IL34: variants seen among roughly 807,000 people sequenced by gnomAD.
IL34 encodes interleukin-34.
Under a neutral mutation model 25.3 loss-of-function variants are expected in IL34, and 17 were observed. The ratio of observed to expected loss-of-function variants is 0.67; its 90% CI spans 0.46 to 1.01. The LOEUF (loss-of-function observed/expected upper bound fraction) is 1.01, where lower values mean the gene tolerates loss of function less well. Ranked by LOEUF, IL34 falls within the 50% of genes least tolerant of loss-of-function variation. IL34 has a pLI of 0.00. For synonymous variants in IL34, 174 were observed against 140.9 expected (o/e 1.23, Z -1.66); for missense variants, 368 against 312.9 (o/e 1.18, Z -1.33).
intron 1 of IL34, among the ~76,000 whole-genome samples, chr16:70,618,601 G>A (rs927763874): frequency 1.3e-5 from 2 of 152,180 alleles, no homozygotes; most frequent in Non-Finnish European, 2.9e-5. Flanking sequence ...AAAACAGTAA[G>A]GTCAAGTTGT....
intron 1 of IL34, among the ~76,000 whole-genome samples, chr16:70,640,595 G>A (rs12928493): frequency 0.14 from 21,360 of 148,704 alleles, 1,848 homozygotes; most frequent in African/African-American, 0.24. Flanking sequence ...CTGCACTCCA[G>A]CCAGGGCGAC....
chr16:70,651,173 C>T (rs915299178), intron 1 of IL34, among the ~76,000 whole-genome samples: 4 of 151,106 alleles, frequency 2.6e-5, no homozygotes, highest in African/African-American at 9.7e-5. Context: ...GAGACCCTGG[C>T]GTGGTGATGG....
At chr16:70,595,203 C>T (rs887925243) in intron 1 of IL34, among the ~76,000 whole-genome samples, 11 of 152,118 alleles carry the variant, frequency 7.2e-5, no homozygotes, top group African/African-American at 2.4e-4. Context: ...TCAGGTGATC[C>T]GCCCACCTCG....
chr16:70,650,633 G>A (rs575583909), intron 1 of IL34, among the ~76,000 whole-genome samples: 1 of 152,324 alleles, frequency 6.6e-6, no homozygotes, highest in African/African-American at 2.4e-5. Context: ...GAATTGTTGT[G>A]TGAAATCCTT....
At chr16:70,625,221 G>C (rs542169975) in intron 1 of IL34, among the ~76,000 whole-genome samples, 2 of 151,912 alleles carry the variant, frequency 1.3e-5, no homozygotes, top group African/African-American at 4.8e-5. Flanking sequence ...GGAGAAGGAG[G>C]AATGGATGGT....
At chr16:70,585,555 C>A (rs1178553889) in intron 1 of IL34, among the ~76,000 whole-genome samples, 1 of 151,734 alleles carries the variant, frequency 6.6e-6, no homozygotes, top group East Asian at 1.9e-4. Context: ...CCTGGTGGTG[C>A]GCACCTGTAG....
chr16:70,647,397 GCCT>G (rs1368296947), intron 1 of IL34, among the ~76,000 whole-genome samples: 3 of 151,766 alleles, frequency 2.0e-5, no homozygotes, highest in African/African-American at 7.3e-5. Context: ...GCAGCCAGAT[GCCT>G]GGAGAAGGCA....
intron 1 of IL34, among the ~76,000 whole-genome samples, chr16:70,596,195 G>T (rs950611806): frequency 6.6e-6 from 1 of 152,024 alleles, no homozygotes; most frequent in Non-Finnish European, 1.5e-5. Flanking sequence ...GGATCTCTCT[G>T]GGGTCTCTTT....
chr16:70,635,260 C>G (rs1367595015), intron 1 of IL34, among the ~76,000 whole-genome samples: 1 of 152,210 alleles, frequency 6.6e-6, no homozygotes, highest in Non-Finnish European at 1.5e-5. Context: ...CAGTGATTTT[C>G]TTGGCGACAG....
At chr16:70,606,241 A>T (rs1433509772) in intron 1 of IL34, among the ~76,000 whole-genome samples, 1 of 151,896 alleles carries the variant, frequency 6.6e-6, no homozygotes, top group Non-Finnish European at 1.5e-5. Flanking sequence ...TACTAAAAAT[A>T]CAAAAAATTA....
chr16:70,594,584 T>G (rs2050795264), intron 1 of IL34, among the ~76,000 whole-genome samples: 1 of 152,192 alleles, frequency 6.6e-6, no homozygotes, highest in Non-Finnish European at 1.5e-5. Flanking sequence ...AGCTCTAATC[T>G]AATTCAAGCT....
chr16:70,615,909 C>T lies in IL34; in HGVS notation c.-400-30639C>T, dbSNP rs1397951079. On this transcript the variant is annotated intron_variant, in intron 1 of 6. Transcript: ENST00000429149. The stretch of plus-strand genomic sequence containing the variant: ...TGGAGGTTGTGGCAAGCTGAGATGG[C>T]ACCACTGCACTCCAGCGTGGGTGAC... Among the ~76,000 whole-genome samples, 11 of 152,154 alleles carry T rather than the reference C, an allele frequency of 7.2e-5. 1 individual carries two copies. The highest frequency in any genetic ancestry group is 5.9e-4 in the Admixed American group (9 of 15,266).
intron 1 of IL34, among the ~76,000 whole-genome samples, chr16:70,608,221 C>T (rs1178860738): frequency 6.7e-6 from 1 of 150,220 alleles, no homozygotes; most frequent in Non-Finnish European, 1.5e-5. Flanking sequence ...CTCTGACTCC[C>T]GGGTTTAAGC....
intron 1 of IL34, among the ~76,000 whole-genome samples, chr16:70,590,827 A>G (rs985021031): frequency 1.3e-5 from 2 of 152,118 alleles, no homozygotes; most frequent in African/African-American, 2.4e-5. Flanking sequence ...TCCCCCCGCA[A>G]GCTGGCCTCT....
At chr16:70,657,783 A>G (rs1006092201) in intron 4 of IL34, among the ~76,000 whole-genome samples, 2 of 152,166 alleles carry the variant, frequency 1.3e-5, no homozygotes, top group Admixed American at 1.3e-4. Flanking sequence ...ATCTCAAAAC[A>G]AAAAACAAAA....
intron 1 of IL34, among the ~76,000 whole-genome samples, chr16:70,652,180 G>C (rs931729232): frequency 2.6e-5 from 4 of 152,062 alleles, no homozygotes; most frequent in Admixed American, 2.6e-4. Context: ...CCAAGGCCAG[G>C]TGTGGTGGCT....
chr16:70,634,453 G>T (rs1205220390), intron 1 of IL34, among the ~76,000 whole-genome samples: 1 of 152,048 alleles, frequency 6.6e-6, no homozygotes, highest in East Asian at 1.9e-4. Flanking sequence ...GCCAAGGCAG[G>T]CTGATCACCT....
chr16:70,659,618 G>T lies in IL34; in HGVS notation c.403G>T (p.Asp135Tyr). 6.2e-7 allele frequency: 1 copy of T among 1,605,218 alleles called. No individual in the cohort carries two copies. Among genetic ancestry groups the T allele is most frequent in the Non-Finnish European group, 8.5e-7 (1 of 1,173,642 alleles). The change falls in exon 5 of 6, where the codon GAT (aspartate) becomes TAT (tyrosine). Residue 135 changes from aspartate (D) to tyrosine (Y), a missense_variant and splice_region_variant. Coordinates refer to ENST00000288098, the MANE Select transcript of IL34 (RefSeq NM_001393494.1). ...CTCCTGACTGTTTCCTCCTTTCCAG[G>T]ATGTGGAGGTCAGCCCCAAGGTGGA... The part of the protein sequence containing the change: ...LLLNVQQGLT[D>Y]VEVSPKVESV...
At chr16:70,636,629 A>ACACACACAC (rs1567456721) in intron 1 of IL34, among the ~76,000 whole-genome samples, 4 of 143,970 alleles carry the variant, frequency 2.8e-5, no homozygotes, top group South Asian at 2.2e-4. Flanking sequence ...ACACACACAC[A>ACACACACAC]AAATTAGCTG....
Sources: gnomAD v4.1 joint callset for allele counts (sites outside exome capture counted in the v4.1 genomes callset) on GRCh38, gnomAD v4.1.1 for gene constraint, MANE v1.5 for transcripts, NCBI Gene and HGNC (gene_info 2026-07-23, HGNC 2026-07-21) for gene names.